Variants in MGAT4C observed in about 807,000 individuals in gnomAD.
The protein encoded by MGAT4C is MGAT4 family member C.
Under a neutral mutation model 40.1 loss-of-function variants are expected in MGAT4C, and 19 were observed. That is an observed-to-expected ratio of 0.47 (90% CI 0.33 to 0.70). The LOEUF is 0.70. MGAT4C is among the 30% of genes least tolerant of loss of function. The pLI, the probability that MGAT4C is intolerant of heterozygous loss-of-function variation, is 0.02. For missense variants in MGAT4C, 491 were observed against 563.2 expected (o/e 0.87, Z 1.30); for synonymous variants, 181 against 187.1 (o/e 0.97, Z 0.27).
chr12:86,100,620 T>G (rs914752222), intron 1 of MGAT4C, among the ~76,000 whole-genome samples: 3 of 151,480 alleles, frequency 2.0e-5, no homozygotes, highest in Non-Finnish European at 4.4e-5. Context: ...TATTCTCCAC[T>G]ATTCATTGTG....
At chr12:86,042,578 G>T (rs1352498192) in intron 2 of MGAT4C, among the ~76,000 whole-genome samples, 1 of 152,050 alleles carries the variant, frequency 6.6e-6, no homozygotes, top group Non-Finnish European at 1.5e-5. Context: ...GATTAGTTTG[G>T]CTAGATACAA....
chr12:86,151,961 C>A (rs1884337041), intron 1 of MGAT4C, among the ~76,000 whole-genome samples: 1 of 152,172 alleles, frequency 6.6e-6, no homozygotes, highest in African/African-American at 2.4e-5. Context: ...CTTATGTGAT[C>A]CAGTCTGTCT....
intron 3 of MGAT4C, among the ~76,000 whole-genome samples, chr12:86,417,198 G>T (rs547942981): frequency 6.6e-6 from 1 of 151,914 alleles, no homozygotes; most frequent in South Asian, 2.1e-4. Context: ...TGAGATATAT[G>T]ATAAGAATAT....
chr12:86,098,957 C>A lies in MGAT4C; in HGVS notation c.-56-49234G>T, dbSNP rs569979421. Among the ~76,000 whole-genome samples, 10 of 151,556 alleles carry A rather than the reference C, an allele frequency of 6.6e-5. No individual in the cohort carries two copies. The South Asian group carries it at 2.1e-3, about 31-fold the overall frequency. On this transcript the variant is annotated intron_variant, in intron 1 of 4. Coordinates refer to ENST00000611864, the MANE Select transcript of MGAT4C (RefSeq NM_001351288.2). ...AATATTCCATTCAATTACAGATAAC[C>A]TTTCTTCTCACTTAAAACTACTTAG...
intron 4 of MGAT4C, among the ~76,000 whole-genome samples, chr12:86,299,554 A>C (rs1953762501): frequency 6.6e-6 from 1 of 152,174 alleles, no homozygotes; most frequent in Admixed American, 6.5e-5. Context: ...TTAATATATT[A>C]ACTCAGCTTT....
intron 1 of MGAT4C, among the ~76,000 whole-genome samples, chr12:86,214,887 G>T (rs994284155): frequency 3.9e-5 from 6 of 152,136 alleles, no homozygotes; most frequent in East Asian, 3.9e-4. Flanking sequence ...AATGATAAAT[G>T]TAAGTAACTT....
At chr12:86,709,258 C>A (rs1023059429) in intron 2 of MGAT4C, among the ~76,000 whole-genome samples, 5 of 152,146 alleles carry the variant, frequency 3.3e-5, no homozygotes, top group African/African-American at 1.2e-4. Flanking sequence ...ACGTAACTTG[C>A]TCCTCTTTAC....
chr12:86,191,674 C>T (rs1017175401), intron 1 of MGAT4C, among the ~76,000 whole-genome samples: 15 of 115,472 alleles, frequency 1.3e-4, no homozygotes, highest in African/African-American at 4.1e-4. Context: ...CACACACACA[C>T]CCTTATCTCC....
At chr12:86,759,075 T>C (rs554774138) in intron 1 of MGAT4C, among the ~76,000 whole-genome samples, 1 of 152,150 alleles carries the variant, frequency 6.6e-6, no homozygotes, top group African/African-American at 2.4e-5. Flanking sequence ...GTAACCACTG[T>C]TATTTTGCCT....
intron 1 of MGAT4C, among the ~76,000 whole-genome samples, chr12:86,078,212 AG>A (rs760429980): frequency 9.2e-5 from 14 of 152,164 alleles, no homozygotes; most frequent in Non-Finnish European, 1.9e-4. Context: ...ACTTTGCCCC[AG>A]CCCTGCTAAG....
chr12:86,230,466 A>G lies in MGAT4C; in HGVS notation c.-57+25773T>C, dbSNP rs576364591. On this transcript the variant is annotated intron_variant, in intron 1 of 4. Coordinates refer to ENST00000611864, the MANE Select transcript of MGAT4C (RefSeq NM_001351288.2). ...CCTTTTCAATTACATCCATCCTTTA[A>G]CTCAAAGGCATTATTAGCACTTAAA... Among the ~76,000 whole-genome samples the G allele has an allele frequency of 5.3e-5, 8 of 152,258 alleles. No homozygotes were observed. The East Asian group carries it at 1.4e-3, about 26-fold the overall frequency.
chr12:86,629,993 G>A (rs192812868), intron 2 of MGAT4C, among the ~76,000 whole-genome samples: 1,923 of 152,064 alleles, frequency 0.013, 24 homozygotes, highest in Non-Finnish European at 0.02. Context: ...CAACAAAATT[G>A]ATAGACCACT....
intron 3 of MGAT4C, among the ~76,000 whole-genome samples, chr12:86,386,088 G>A (rs947307999): frequency 2.0e-5 from 3 of 152,118 alleles, no homozygotes; most frequent in Non-Finnish European, 2.9e-5. Context: ...CCACCACCAC[G>A]TCTGGCTAAT....
intron 4 of MGAT4C, among the ~76,000 whole-genome samples, chr12:86,276,115 C>A (rs74360089): frequency 2.0e-4 from 28 of 142,408 alleles, no homozygotes; most frequent in South Asian, 2.2e-4. Flanking sequence ...AAGACTCCGT[C>A]AAAAAAAAAA....
intron 2 of MGAT4C, among the ~76,000 whole-genome samples, chr12:86,447,714 C>G (rs1219412892): frequency 1.3e-5 from 2 of 151,964 alleles, no homozygotes; most frequent in African/African-American, 2.4e-5. Flanking sequence ...AATATATAGA[C>G]CAAATACAAG....
chr12:86,722,794 T>G (rs1371124642), intron 2 of MGAT4C, among the ~76,000 whole-genome samples: 1 of 152,156 alleles, frequency 6.6e-6, no homozygotes, highest in Non-Finnish European at 1.5e-5. Flanking sequence ...ACCTCAAAAA[T>G]TAACTCTAGG....
chr12:86,456,481 C>A (rs1038152911), intron 2 of MGAT4C, among the ~76,000 whole-genome samples: 16 of 152,058 alleles, frequency 1.1e-4, no homozygotes, highest in Non-Finnish European at 2.2e-4. Context: ...CTAAATGATT[C>A]AGTTTATCTA....
chr12:86,555,429 TAA>T (rs1035114367), intron 2 of MGAT4C, among the ~76,000 whole-genome samples: 3 of 152,146 alleles, frequency 2.0e-5, no homozygotes, highest in Non-Finnish European at 4.4e-5. Context: ...TGACATAATG[TAA>T]AAGAGTCTTG....
intron 1 of MGAT4C, among the ~76,000 whole-genome samples, chr12:86,796,771 C>G (rs1952130895): frequency 6.6e-6 from 1 of 151,802 alleles, no homozygotes; most frequent in Admixed American, 6.6e-5. Flanking sequence ...TACTTCAAAA[C>G]ATCATGGATG....
Sources: allele counts gnomAD v4.1 joint callset (sites outside exome capture counted in the v4.1 genomes callset), GRCh38; gene constraint gnomAD v4.1.1; transcripts MANE v1.5; gene names NCBI Gene and HGNC (gene_info 2026-07-23, HGNC 2026-07-21).